The following SKAP1 variants were observed in gnomAD, a reference collection of about 807,000 sequenced individuals.
The protein encoded by SKAP1 is src kinase associated phosphoprotein 1.
In SKAP1, 44 loss-of-function variants were observed where a neutral mutation model predicts 58.5. The ratio of observed to expected loss-of-function variants is 0.75; its 90% CI spans 0.59 to 0.97. SKAP1 has a LOEUF of 0.97. Among genes scored for constraint, SKAP1 ranks in the 50% least tolerant of loss-of-function variants. The pLI, the probability that SKAP1 is intolerant of heterozygous loss-of-function variation, is 0.00. For missense variants in SKAP1, 390 were observed against 435.2 expected, an observed-to-expected ratio of 0.90 and a Z score of 0.92; for synonymous variants, 127 against 149.7, an observed-to-expected ratio of 0.85 and a Z score of 1.11.
chr17:48,438,697 CT>C, the SKAP1 span, among the ~76,000 whole-genome samples: 1 of 152,190 alleles, frequency 6.6e-6, no homozygotes, highest in African/African-American at 2.4e-5. Context: ...ATTAACACCT[CT>C]TTTCACTTAT....
At chr17:48,400,852 A>T (rs2067491111) in intron 1 of SKAP1, among the ~76,000 whole-genome samples, 2 of 152,192 alleles carry the variant, frequency 1.3e-5, no homozygotes, top group African/African-American at 4.8e-5. Flanking sequence ...TGATCAGAAG[A>T]CTTAATATCG....
intron 4 of SKAP1, among the ~76,000 whole-genome samples, chr17:48,224,620 T>C (rs2065046414): frequency 6.6e-6 from 1 of 152,234 alleles, no homozygotes; most frequent in African/African-American, 2.4e-5. Context: ...CAATGTGGTA[T>C]CATACCTATG....
the SKAP1 span, among the ~76,000 whole-genome samples, chr17:48,442,947 T>C: frequency 1.3e-5 from 2 of 152,106 alleles, no homozygotes; most frequent in Non-Finnish European, 1.5e-5. Flanking sequence ...CACCATAACC[T>C]CCTGCTTATC....
chr17:48,145,694 G>T (rs748811063), intron 11 of SKAP1, among the ~76,000 whole-genome samples: 7 of 152,118 alleles, frequency 4.6e-5, no homozygotes, highest in Non-Finnish European at 5.9e-5. Context: ...AGGCTTAAAA[G>T]AGATTAAATA....
At chr17:48,310,494 T>C (rs1233977436) in intron 4 of SKAP1, among the ~76,000 whole-genome samples, 2 of 152,226 alleles carry the variant, frequency 1.3e-5, no homozygotes, top group Admixed American at 6.5e-5. Flanking sequence ...TGATTACAGC[T>C]GTTCATATTT....
At chr17:48,417,092 G>A (rs561377466) in intron 1 of SKAP1, among the ~76,000 whole-genome samples, 2 of 152,156 alleles carry the variant, frequency 1.3e-5, no homozygotes, top group Non-Finnish European at 1.5e-5. Flanking sequence ...GAAGGAAAAC[G>A]TGTTGGCAGG....
chr17:48,175,795 AG>A (rs2064281778), intron 9 of SKAP1, among the ~76,000 whole-genome samples: 1 of 152,194 alleles, frequency 6.6e-6, no homozygotes, highest in South Asian at 2.1e-4. Flanking sequence ...GGCTGAGATC[AG>A]GGGGATGGTC....
chr17:48,134,885 G>A (rs1480773095), intron 12 of SKAP1, among the ~76,000 whole-genome samples: 2 of 151,882 alleles, frequency 1.3e-5, no homozygotes, highest in Non-Finnish European at 2.9e-5. Flanking sequence ...TGTATTTTTA[G>A]TAGAGATGGG....
At chr17:48,194,233 A>G (rs1208664348) in intron 4 of SKAP1, among the ~76,000 whole-genome samples, 1 of 152,050 alleles carries the variant, frequency 6.6e-6, no homozygotes, top group Non-Finnish European at 1.5e-5. Flanking sequence ...CCCAACTTTC[A>G]TGGCAGATGA....
intron 4 of SKAP1, among the ~76,000 whole-genome samples, chr17:48,312,228 T>C (rs1219930634): frequency 1.3e-5 from 2 of 152,210 alleles, no homozygotes; most frequent in Admixed American, 1.3e-4. Flanking sequence ...GCTTCTTGTT[T>C]TCCAATCAGT....
At chr17:48,176,338 G>T (rs982389507) in intron 9 of SKAP1, among the ~76,000 whole-genome samples, 3 of 152,184 alleles carry the variant, frequency 2.0e-5, no homozygotes, top group Non-Finnish European at 4.4e-5. Context: ...CAGACGTCTT[G>T]CTGGATCCCA....
chr17:48,209,177 ATC>A (rs2064842980), intron 4 of SKAP1, among the ~76,000 whole-genome samples: 1 of 152,220 alleles, frequency 6.6e-6, no homozygotes, highest in African/African-American at 2.4e-5. Flanking sequence ...GTCTGTCTAC[ATC>A]TCAGTCTTTC....
At position 48,363,822 on chromosome 17, in the gene SKAP1, A is replaced by T. The variant is rs1221366578; in HGVS notation, c.153-8T>A. Reference sequence around the variant, plus strand: ...TGAAAATCCCAATAGTACCTGAAATACAAGGGGGAAAAAAAAAGGGAATAA... The same window carrying T: ...TGAAAATCCCAATAGTACCTGAAATTCAAGGGGGAAAAAAAAAGGGAATAA... On this transcript the variant is annotated splice_polypyrimidine_tract_variant and splice_region_variant and intron_variant, in intron 2 of 12. Transcript: ENST00000336915. 6.2e-7 allele frequency: 1 copy of T among 1,605,980 alleles called. No homozygotes were observed. The highest frequency in any genetic ancestry group is 8.5e-7 in the Non-Finnish European group (1 of 1,175,962).
rs148055788 is a variant in SKAP1, at chr17:48,342,761, G to A, written c.280+3144C>T. Among the ~76,000 whole-genome samples, 501 of 152,278 alleles carry A rather than the reference G, an allele frequency of 3.3e-3. 11 individuals carry two copies. In the East Asian group the frequency reaches 0.037, roughly 11 times the overall value. On this transcript the variant is annotated intron_variant, in intron 4 of 12. Transcript: ENST00000336915. ...GAATATCTGGGAGGCCAAGGCGGGTGGATCACGAAGTCAGGAGATCGAGAC... is the reference window on the plus strand; with the variant it reads ...GAATATCTGGGAGGCCAAGGCGGGTAGATCACGAAGTCAGGAGATCGAGAC...
At chr17:48,171,829 G>A (rs1400335078) in intron 9 of SKAP1, among the ~76,000 whole-genome samples, 1 of 151,964 alleles carries the variant, frequency 6.6e-6, no homozygotes, top group Non-Finnish European at 1.5e-5. Context: ...TTGGGAGGCC[G>A]AGGCGGGCAG....
intron 4 of SKAP1, among the ~76,000 whole-genome samples, chr17:48,310,843 T>C (rs919955405): frequency 1.3e-5 from 2 of 152,104 alleles, no homozygotes; most frequent in Admixed American, 6.5e-5. Flanking sequence ...CCAGCTTTGT[T>C]TGATTTCACA....
At chr17:48,210,017 C>T (rs1441910819) in intron 4 of SKAP1, among the ~76,000 whole-genome samples, 1 of 152,244 alleles carries the variant, frequency 6.6e-6, no homozygotes, top group Non-Finnish European at 1.5e-5. Flanking sequence ...GAGATATTCT[C>T]ATCCACAGTG....
At chr17:48,174,151 A>C (rs2064254424) in intron 9 of SKAP1, among the ~76,000 whole-genome samples, 2 of 150,106 alleles carry the variant, frequency 1.3e-5, no homozygotes, top group Admixed American at 1.3e-4. Flanking sequence ...AACTAGAAAG[A>C]AAAAAAAAAC....
intron 8 of SKAP1, among the ~76,000 whole-genome samples, chr17:48,180,929 G>T (rs924628010): frequency 6.6e-5 from 10 of 152,106 alleles, no homozygotes; most frequent in Non-Finnish European, 1.3e-4. Flanking sequence ...TTACAGCACT[G>T]GGGAGCACCA....
Sources: allele counts gnomAD v4.1 joint callset (sites outside exome capture counted in the v4.1 genomes callset), GRCh38; gene constraint gnomAD v4.1.1; transcripts MANE v1.5; gene names NCBI Gene and HGNC (gene_info 2026-07-23, HGNC 2026-07-21).